Variants in AGPAT3 observed in about 807,000 individuals in gnomAD.
AGPAT3 encodes 1-acyl-sn-glycerol-3-phosphate acyltransferase gamma.
A neutral mutation model predicts 47.3 loss-of-function variants in AGPAT3; 5 were observed. That is an observed-to-expected ratio of 0.11 (90% CI 0.06 to 0.22). The LOEUF is 0.22. AGPAT3 is among the 10% of genes least tolerant of loss of function. The pLI, the probability that AGPAT3 is intolerant of heterozygous loss-of-function variation, is 1.00. For synonymous variants in AGPAT3, 212 were observed against 208.3 expected, an observed-to-expected ratio of 1.02 and a Z score of -0.15; for missense variants, 315 against 493.0, an observed-to-expected ratio of 0.64 and a Z score of 3.42.
chr21:43,876,393 C>T (rs189595174), intron 1 of AGPAT3, among the ~76,000 whole-genome samples: 30 of 152,358 alleles, frequency 2.0e-4, no homozygotes, highest in Admixed American at 9.8e-4. Context: ...ATTGTGGGCT[C>T]ATTTCACATG....
rs562156186 is a variant in AGPAT3 at position 43,981,327 on chromosome 21, C to T, written c.1042+140C>T. 131 of 941,084 alleles carry T rather than the reference C, an allele frequency of 1.4e-4. No homozygotes were observed. The African/African-American group carries it at 1.9e-3, about 14-fold the overall frequency. The allele number at this position is 941,084 out of a possible 1,614,324, so 58.3% of individuals were successfully genotyped here. A position where few individuals can be genotyped will look rare whatever the true frequency, so the allele number is the denominator to read the frequency against. ...TATGGACCCTGGAGCCAGGATCCCC[C>T]CACGGCCTGCGGGCCTCAGAGCCTG... is the stretch of plus-strand genomic sequence containing the variant. On this transcript the variant is annotated intron_variant, in intron 9 of 9. Transcript: ENST00000291572. The surrounding 1 kb of genome is among the most constrained non-coding windows in gnomAD (Gnocchi z 5.3).
chr21:43,865,644 G>C (rs932363065), intron 1 of AGPAT3, among the ~76,000 whole-genome samples: 10 of 151,050 alleles, frequency 6.6e-5, no homozygotes, highest in African/African-American at 2.4e-4. Context: ...AGCCTCGGTG[G>C]CGCTGGGCCC....
intron 2 of AGPAT3, among the ~76,000 whole-genome samples, chr21:43,905,860 G>A (rs1412703277): frequency 1.3e-5 from 2 of 152,190 alleles, no homozygotes; most frequent in African/African-American, 4.8e-5. Context: ...CAGGGCTGTG[G>A]GAAGGCCACC....
intron 2 of AGPAT3, chr21:43,950,854 G>C (rs2088159448): frequency 6.6e-6 from 1 of 152,282 alleles, no homozygotes; most frequent in African/African-American, 2.4e-5. Flanking sequence ...AGGACCCAAT[G>C]CAGGGCCCGA....
chr21:43,894,090 G>A (rs572541736), intron 1 of AGPAT3, among the ~76,000 whole-genome samples: 4 of 152,256 alleles, frequency 2.6e-5, no homozygotes, highest in Admixed American at 6.5e-5. Context: ...GGCTTCTGGC[G>A]TTCATGCTCG....
At chr21:43,978,215 G>A (rs1026988009) in intron 8 of AGPAT3, 94 bp downstream of exon 8, 4 of 963,656 alleles carry the variant, frequency 4.2e-6, no homozygotes, top group Admixed American at 4.1e-5. Flanking sequence ...TGGGAACTCC[G>A]TGGGAGACAG....
chr21:43,873,614 G>A (rs1030279681), intron 1 of AGPAT3, among the ~76,000 whole-genome samples: 5 of 152,214 alleles, frequency 3.3e-5, no homozygotes, highest in African/African-American at 9.6e-5. Flanking sequence ...CTGACCTCAG[G>A]TGATCCTCCC....
chr21:43,875,129 C>T (rs1295993849), intron 1 of AGPAT3, among the ~76,000 whole-genome samples: 1 of 152,114 alleles, frequency 6.6e-6, no homozygotes, highest in African/African-American at 2.4e-5. Context: ...TACAGGCGCC[C>T]ACCACCACGC....
At chr21:43,895,720 G>A (rs2086201476) in intron 1 of AGPAT3, among the ~76,000 whole-genome samples, 1 of 151,722 alleles carries the variant, frequency 6.6e-6, no homozygotes, top group Non-Finnish European at 1.5e-5. Context: ...CCCAAGTATG[G>A]GATTACAGGC....
intron 2 of AGPAT3, among the ~76,000 whole-genome samples, chr21:43,949,319 T>G (rs2088067630): frequency 6.6e-6 from 1 of 152,208 alleles, no homozygotes. Flanking sequence ...GCAACATGGT[T>G]CTTCTGCTGG....
intron 1 of AGPAT3, among the ~76,000 whole-genome samples, chr21:43,868,549 T>C (rs1020647320): frequency 6.6e-6 from 1 of 152,116 alleles, no homozygotes; most frequent in Admixed American, 6.5e-5. Flanking sequence ...ATGAAATGCA[T>C]AATAAATAAC....
chr21:43,947,692 C>CTTT (rs534895749), intron 2 of AGPAT3, among the ~76,000 whole-genome samples: 1 of 142,068 alleles, frequency 7.0e-6, no homozygotes. Context: ...CTTTTCTTTT[C>CTTT]TTTTTTTTTT....
intron 4 of AGPAT3, among the ~76,000 whole-genome samples, 171 bp from the exon 5 acceptor site, chr21:43,968,947 C>A (rs1047051688): frequency 6.6e-6 from 1 of 152,098 alleles, no homozygotes; most frequent in East Asian, 1.9e-4. Context: ...TCTGGGGCGA[C>A]CCACTCACCC....
At position 43,955,249 on chromosome 21, in the gene AGPAT3, T is replaced by C; in HGVS notation, c.-48-4385T>C. 1 of 1,208,050 alleles carries C rather than the reference T, an allele frequency of 8.3e-7. No homozygotes were observed. The highest frequency in any genetic ancestry group is 1.1e-6 in the Non-Finnish European group (1 of 942,052). 74.8% of individuals were successfully genotyped at this position (1,208,050 alleles called of 1,614,324 possible). ...TTGTGAACCTCTAGAAAAGGTAAATTAACCTATAGAGCTGGAAAGCTGACC... is the reference window on the plus strand; with the variant it reads ...TTGTGAACCTCTAGAAAAGGTAAATCAACCTATAGAGCTGGAAAGCTGACC... On this transcript the variant is annotated intron_variant, in intron 2 of 9. Coordinates refer to ENST00000291572, the MANE Select transcript of AGPAT3 (RefSeq NM_020132.5). The surrounding 1 kb of genome is among the most constrained non-coding windows in gnomAD (Gnocchi z 4.1).
intron 1 of AGPAT3, among the ~76,000 whole-genome samples, chr21:43,894,317 G>C (rs896737382): frequency 6.0e-5 from 9 of 150,714 alleles, no homozygotes; most frequent in Non-Finnish European, 1.3e-4. Flanking sequence ...TCTGAACTTA[G>C]CATGATCATT....
At chr21:43,902,402 C>T (rs990376723) in intron 1 of AGPAT3, among the ~76,000 whole-genome samples, 2 of 152,222 alleles carry the variant, frequency 1.3e-5, no homozygotes, top group Admixed American at 6.5e-5. Context: ...GCGATATATA[C>T]ACTGTCTTTG....
chr21:43,941,231 G>T (rs774268442), intron 2 of AGPAT3, among the ~76,000 whole-genome samples: 1 of 152,162 alleles, frequency 6.6e-6, no homozygotes, highest in Non-Finnish European at 1.5e-5. Flanking sequence ...TGTTTTTCTT[G>T]GTGCACACTT....
At chr21:43,927,478 G>A (rs1453164769) in intron 2 of AGPAT3, among the ~76,000 whole-genome samples, 1 of 152,156 alleles carries the variant, frequency 6.6e-6, no homozygotes, top group African/African-American at 2.4e-5. Context: ...CCAGTCCATT[G>A]AGACCTGATT....
intron 2 of AGPAT3, among the ~76,000 whole-genome samples, chr21:43,911,436 A>G (rs1236958673): frequency 6.6e-6 from 1 of 152,258 alleles, no homozygotes; most frequent in South Asian, 2.1e-4. Flanking sequence ...CAGCCTGTCC[A>G]GGCCAACGCA....
Sources: gnomAD v4.1 joint callset for allele counts (sites outside exome capture counted in the v4.1 genomes callset) on GRCh38, gnomAD v4.1.1 for gene constraint, Gnocchi (gnomAD v3.1) non-coding constraint, MANE v1.5 for transcripts, NCBI Gene and HGNC (gene_info 2026-07-23, HGNC 2026-07-21) for gene names.